The following ESR1 variants were observed in gnomAD, a reference collection of about 807,000 sequenced individuals.
ESR1 encodes estrogen receptor 1.
In ESR1, 12 loss-of-function variants were observed where a neutral mutation model predicts 52.7. The observed-to-expected ratio is 0.23, with a 90% confidence interval of 0.15 to 0.37. The LOEUF (loss-of-function observed/expected upper bound fraction) is 0.37, where lower values mean the gene tolerates loss of function less well. ESR1 is among the 10% of genes least tolerant of loss of function. The pLI is 1.00. For missense variants in ESR1, 584 were observed against 779.7 expected (o/e 0.75, Z 2.99); for synonymous variants, 305 against 316.8 (o/e 0.96, Z 0.39).
intron 4 of ESR1, among the ~76,000 whole-genome samples, chr6:151,979,465 A>T (rs1415455411): frequency 6.6e-6 from 1 of 152,164 alleles, no homozygotes; most frequent in Non-Finnish European, 1.5e-5. Flanking sequence ...TTTAAAACTC[A>T]GTAAAATAAA....
intron 2 of ESR1, among the ~76,000 whole-genome samples, chr6:151,756,740 A>G (rs1441007161): frequency 1.3e-5 from 2 of 152,236 alleles, no homozygotes; most frequent in East Asian, 3.9e-4. Context: ...CTGTAATCCC[A>G]GCACTTTGGG....
chr6:152,039,864 C>T (rs2045636679), intron 5 of ESR1, among the ~76,000 whole-genome samples: 1 of 152,170 alleles, frequency 6.6e-6, no homozygotes, highest in African/African-American at 2.4e-5. Flanking sequence ...CAGTGAATTC[C>T]ATGAGCATGA....
intron 2 of ESR1, among the ~76,000 whole-genome samples, chr6:151,844,190 T>C (rs1784747020): frequency 6.6e-6 from 1 of 151,852 alleles, no homozygotes; most frequent in Non-Finnish European, 1.5e-5. Context: ...ACACAGGCTA[T>C]TTAATTTTAT....
chr6:151,677,657 T>G (rs1778297482), intron 1 of ESR1, among the ~76,000 whole-genome samples: 2 of 152,198 alleles, frequency 1.3e-5, no homozygotes. Flanking sequence ...TCCCCACTGG[T>G]TTGTTCTTTG....
At chr6:151,854,015 C>T (rs978212633) in intron 2 of ESR1, among the ~76,000 whole-genome samples, 13 of 152,150 alleles carry the variant, frequency 8.5e-5, no homozygotes, top group Non-Finnish European at 1.8e-4. Flanking sequence ...AACCATGGTT[C>T]GTGGCCTAAT....
chr6:152,049,429 C>G (rs1017252475), intron 5 of ESR1, among the ~76,000 whole-genome samples: 1 of 152,168 alleles, frequency 6.6e-6, no homozygotes, highest in African/African-American at 2.4e-5. Flanking sequence ...GTCTTACTCC[C>G]GTGTGACAGA....
chr6:151,848,530 G>T (rs1785627691), intron 2 of ESR1, among the ~76,000 whole-genome samples: 1 of 151,848 alleles, frequency 6.6e-6, no homozygotes. Context: ...TTGGGCTTGG[G>T]GACTCACTCT....
intron 2 of ESR1, among the ~76,000 whole-genome samples, chr6:151,749,209 G>C (rs1029280243): frequency 2.1e-5 from 3 of 141,490 alleles, no homozygotes; most frequent in Non-Finnish European, 4.6e-5. Context: ...AAAAAAAAAA[G>C]CTTGTGGAAA....
intron 5 of ESR1, among the ~76,000 whole-genome samples, chr6:152,049,164 A>G (rs1157640759): frequency 1.3e-5 from 2 of 152,208 alleles, no homozygotes; most frequent in Non-Finnish European, 2.9e-5. Flanking sequence ...TTATCTATAG[A>G]AGTATAGAAT....
chr6:152,040,632 C>T (rs901473628), intron 5 of ESR1, among the ~76,000 whole-genome samples: 3 of 152,206 alleles, frequency 2.0e-5, no homozygotes, highest in Non-Finnish European at 4.4e-5. Context: ...GGGCACTGCT[C>T]AAAGTTCTGT....
At chr6:151,790,028 A>C (rs772139414) in intron 2 of ESR1, among the ~76,000 whole-genome samples, 2 of 152,080 alleles carry the variant, frequency 1.3e-5, no homozygotes, top group Admixed American at 6.5e-5. Flanking sequence ...GGCTCTTCGG[A>C]TAACCCCCAT....
At chr6:151,922,765 G>C (rs2031954648) in intron 3 of ESR1, among the ~76,000 whole-genome samples, 1 of 152,118 alleles carries the variant, frequency 6.6e-6, no homozygotes, top group Admixed American at 6.5e-5. Flanking sequence ...GTTATTGTGT[G>C]TTGTTACTTC....
At chr6:152,089,142 GAA>G (rs2049980040) in intron 6 of ESR1, among the ~76,000 whole-genome samples, 1 of 152,172 alleles carries the variant, frequency 6.6e-6, no homozygotes, top group South Asian at 2.1e-4. Flanking sequence ...AGGCTATCAG[GAA>G]AACTCTGGAG....
chr6:152,081,619 T>C (rs990001820), intron 6 of ESR1, among the ~76,000 whole-genome samples: 1 of 150,648 alleles, frequency 6.6e-6, no homozygotes, highest in African/African-American at 2.4e-5. Context: ...AAGAAATAAC[T>C]GAGATCAGAG....
intron 3 of ESR1, among the ~76,000 whole-genome samples, chr6:151,903,693 C>T (rs934642436): frequency 6.6e-6 from 1 of 152,186 alleles, no homozygotes; most frequent in African/African-American, 2.4e-5. Context: ...GAAGAGCACC[C>T]CTGCCGGTGA....
chr6:151,946,384 A>G (rs1010506763), intron 4 of ESR1, among the ~76,000 whole-genome samples: 1 of 152,224 alleles, frequency 6.6e-6, no homozygotes, highest in East Asian at 1.9e-4. Flanking sequence ...AGCATTTTAA[A>G]CAACTGGAAT....
chr6:151,929,383 G>A (rs1310396496), intron 3 of ESR1, among the ~76,000 whole-genome samples: 1 of 152,052 alleles, frequency 6.6e-6, no homozygotes, highest in Admixed American at 6.5e-5. Context: ...AGCCACTCCA[G>A]CTTTATTTTT....
chr6:151,806,553 T>TAC, upstream of ESR1, among the ~76,000 whole-genome samples: 1 of 143,930 alleles, frequency 6.9e-6, no homozygotes, highest in Non-Finnish European at 1.5e-5. Context: ...TATATATATA[T>TAC]ATATACACAT....
rs1229341641 is a variant in ESR1 at position 151,823,697 on chromosome 6, C to T, written c.452+15333C>T. On this transcript the variant is annotated intron_variant, in intron 1 of 7. Coordinates refer to ENST00000206249, the MANE Select transcript of ESR1 (RefSeq NM_000125.4). ...CCAACTGTTCTCATTGTTCAATTCC[C>T]ACCTATGAGTGAGAACATGCGGTGT... is the stretch of plus-strand genomic sequence containing the variant. 2.0e-5 allele frequency among the ~76,000 whole-genome samples: 3 copies of T among 152,106 alleles called. No individual in the cohort carries two copies. The East Asian group carries it at 5.8e-4, about 29-fold the overall frequency.
Sources: gnomAD v4.1 joint callset for allele counts (sites outside exome capture counted in the v4.1 genomes callset) on GRCh38, gnomAD v4.1.1 for gene constraint, MANE v1.5 for transcripts, NCBI Gene and HGNC (gene_info 2026-07-23, HGNC 2026-07-21) for gene names.